The following RNF144B variants were observed in gnomAD, a reference collection of about 807,000 sequenced individuals.
RNF144B encodes ring finger protein 144B.
Under a neutral mutation model 40.2 loss-of-function variants are expected in RNF144B, and 25 were observed. That is an observed-to-expected ratio of 0.62 (90% CI 0.45 to 0.87). The LOEUF is 0.87. Among genes scored for constraint, RNF144B ranks in the 40% least tolerant of loss-of-function variants. RNF144B has a pLI of 0.00. For missense variants in RNF144B, 365 were observed against 373.7 expected, an observed-to-expected ratio of 0.98 and a Z score of 0.19; for synonymous variants, 145 against 136.3, an observed-to-expected ratio of 1.06 and a Z score of -0.44.
rs1794743440 is a variant in RNF144B at position 18,398,982 on chromosome 6, A to G, written c.-36-517A>G. On this transcript the variant is annotated intron_variant, in intron 1 of 7. Transcript: ENST00000259939. This position sits in a 1 kb window ranked among gnomAD's most constrained non-coding sequence, Gnocchi z 5.0. The stretch of plus-strand genomic sequence containing the variant: ...TGACCTTCATTAAGGTATAATTGAC[A>G]AATTACATTTGCAGTATACAATGTG... 6.6e-6 allele frequency among the ~76,000 whole-genome samples: 1 copy of G among 152,224 alleles called. No homozygotes were observed. The highest frequency in any genetic ancestry group is 2.4e-5 in the African/African-American group (1 of 41,448).
intron 1 of RNF144B, among the ~76,000 whole-genome samples, chr6:18,397,189 A>C (rs1247374764): frequency 1.3e-5 from 2 of 152,312 alleles, no homozygotes; most frequent in East Asian, 3.9e-4. Context: ...TTGACAAGCA[A>C]ATATCTCATT....
Position 18,406,275 on chromosome 6 carries a change from T to G in RNF144B, c.165+6576T>G, listed in dbSNP as rs1261955505. Among the ~76,000 whole-genome samples the G allele has an allele frequency of 6.6e-6, 1 of 152,028 alleles. No individual in the cohort carries two copies. On this transcript the variant is annotated intron_variant, in intron 2 of 7. Coordinates refer to ENST00000259939, the MANE Select transcript of RNF144B (RefSeq NM_182757.4). The surrounding 1 kb of genome is among the most constrained non-coding windows in gnomAD (Gnocchi z 4.2). ...GAAGAGGGACTTCTACTTTATTAGATGATCAGGGAAGTCTCAGTGATAAGG... is the reference window on the plus strand; with the variant it reads ...GAAGAGGGACTTCTACTTTATTAGAGGATCAGGGAAGTCTCAGTGATAAGG...
chr6:18,427,021 G>A (rs71556174), intron 2 of RNF144B, among the ~76,000 whole-genome samples: 18,249 of 152,018 alleles, frequency 0.12, 1,310 homozygotes, highest in Admixed American at 0.19. Context: ...TCTTGTCTTT[G>A]GGAAGCAAGT....
intron 3 of RNF144B, among the ~76,000 whole-genome samples, chr6:18,430,690 A>G (rs141052483): frequency 2.0e-4 from 30 of 150,292 alleles, no homozygotes; most frequent in African/African-American, 7.1e-4. Context: ...GGGTCTCTCT[A>G]TGTTTTCCAG....
chr6:18,414,107 A>G lies in RNF144B; in HGVS notation c.166-13474A>G, dbSNP rs1236804049. ...GAGGAATAGTCGTGGTCTTGATGCA[A>G]TGTAACTTATAATTAGAAAGATGCT... is the stretch of plus-strand genomic sequence containing the variant. On this transcript the variant is annotated intron_variant, in intron 2 of 7. Coordinates refer to ENST00000259939, the MANE Select transcript of RNF144B (RefSeq NM_182757.4). The surrounding 1 kb of genome is among the most constrained non-coding windows in gnomAD (Gnocchi z 4.9). Among the ~76,000 whole-genome samples, 1 of 152,196 alleles carries G rather than the reference A, an allele frequency of 6.6e-6. No individual in the cohort carries two copies. Among genetic ancestry groups the G allele is most frequent in the Non-Finnish European group, 1.5e-5 (1 of 68,036 alleles).
rs937358096 is a variant in RNF144B, at chr6:18,400,166, G to A, written c.165+467G>A. 2.0e-5 allele frequency among the ~76,000 whole-genome samples: 3 copies of A among 152,022 alleles called. No homozygotes were observed. Among genetic ancestry groups the A allele is most frequent in the Admixed American group, 1.3e-4 (2 of 15,258 alleles). On this transcript the variant is annotated intron_variant, in intron 2 of 7. Transcript: ENST00000259939. The surrounding 1 kb of genome is among the most constrained non-coding windows in gnomAD (Gnocchi z 5.6). ...CGGGCGCCTGTAGTCCCAGCTACTC[G>A]GGAGGCGGAGGCAGGAGAATGGCGT... is the stretch of plus-strand genomic sequence containing the variant.
At position 18,448,986 on chromosome 6, in the gene RNF144B, G is replaced by A. The variant is rs1759148126; in HGVS notation, c.332-8169G>A. On this transcript the variant is annotated intron_variant, in intron 4 of 7. Transcript: ENST00000259939. The surrounding 1 kb of genome is among the most constrained non-coding windows in gnomAD (Gnocchi z 4.0). ...CTTCATGTCAGGCACTGTGTTAAGTGTCTCGTTTACAGTGTCTATTCAATC... is the reference window on the plus strand; with the variant it reads ...CTTCATGTCAGGCACTGTGTTAAGTATCTCGTTTACAGTGTCTATTCAATC... 6.6e-6 allele frequency among the ~76,000 whole-genome samples: 1 copy of A among 152,162 alleles called. No homozygotes were observed. The highest frequency in any genetic ancestry group is 2.1e-4 in the South Asian group (1 of 4,830).
At chr6:18,439,606 A>G in intron 3 of RNF144B, 78 bp from the exon 4 acceptor site, 1 of 992,724 alleles carries the variant, frequency 1.0e-6, no homozygotes, top group Non-Finnish European at 1.6e-6. Flanking sequence ...AAGCAAAGCC[A>G]GAAAGAGAAA....
chr6:18,423,107 C>G (rs1003740930), intron 2 of RNF144B, among the ~76,000 whole-genome samples: 2 of 152,196 alleles, frequency 1.3e-5, no homozygotes, highest in Non-Finnish European at 2.9e-5. Flanking sequence ...TCAGAAACAT[C>G]TATTCCATTC....
rs9396858 is a variant in RNF144B, at chr6:18,387,461, A to G, written c.-206A>G. 0.29 allele frequency: 357,899 copies of G among 1,244,982 alleles called. 53,397 individuals are homozygous for G. Among genetic ancestry groups the G allele is most frequent in the East Asian group, 0.4 (5,907 of 14,754 alleles). 77.1% of individuals were successfully genotyped at this position (1,244,982 alleles called of 1,614,324 possible). A position where few individuals can be genotyped will look rare whatever the true frequency, so the allele number is the denominator to read the frequency against. On this transcript the variant is annotated 5_prime_UTR_variant, in exon 1 of 8. Transcript: ENST00000259939. ...TCCCGACCCGTAGGTCTGGGAGCGC[A>G]AGTCCTGTTGCAGTCTTGCAAAGTG... is the stretch of plus-strand genomic sequence containing the variant.
intron 2 of RNF144B, among the ~76,000 whole-genome samples, chr6:18,415,616 A>G (rs1460472857): frequency 6.6e-6 from 1 of 152,166 alleles, no homozygotes; most frequent in Non-Finnish European, 1.5e-5. Context: ...ATCATAGCGG[A>G]TTCTAACATT....
chr6:18,415,801 A>G (rs748673385), intron 2 of RNF144B, among the ~76,000 whole-genome samples: 1 of 151,466 alleles, frequency 6.6e-6, no homozygotes, highest in Non-Finnish European at 1.5e-5. Flanking sequence ...GCCGTACCTC[A>G]TGGTTGAAGG....
chr6:18,440,338 A>C (rs1758931556), intron 4 of RNF144B, among the ~76,000 whole-genome samples: 1 of 152,098 alleles, frequency 6.6e-6, no homozygotes, highest in African/African-American at 2.4e-5. Flanking sequence ...GGTCTTTTTT[A>C]GGAGACCTTT....
rs1188568032 is a variant in RNF144B, at chr6:18,405,021, C to T, written c.165+5322C>T. On this transcript the variant is annotated intron_variant, in intron 2 of 7. Transcript: ENST00000259939. The surrounding 1 kb of genome is among the most constrained non-coding windows in gnomAD (Gnocchi z 4.5). Reference sequence around the variant, plus strand: ...CCTTTCCCAAAGCTTTCAAATTCTCCAGCTCCAGATTCCCACGTCTTCTAC... The same window carrying T: ...CCTTTCCCAAAGCTTTCAAATTCTCTAGCTCCAGATTCCCACGTCTTCTAC... 6.6e-6 allele frequency among the ~76,000 whole-genome samples: 1 copy of T among 152,088 alleles called. No homozygotes were observed. The highest frequency in any genetic ancestry group is 2.4e-5 in the African/African-American group (1 of 41,404).
rs550964113 is a variant in RNF144B, at chr6:18,393,500, T to G, written c.-37+5870T>G. Among the ~76,000 whole-genome samples, 236 of 152,350 alleles carry G rather than the reference T, an allele frequency of 1.5e-3. 1 individual carries two copies. The highest frequency in any genetic ancestry group is 3.4e-3 in the Middle Eastern group (1 of 294). On this transcript the variant is annotated intron_variant, in intron 1 of 7. Transcript: ENST00000259939. Reference sequence around the variant, plus strand: ...TGCTCAGCACTTTACTAGACTCAATTAGTACCATTGGGTTCACTAATAGTT... The same window carrying G: ...TGCTCAGCACTTTACTAGACTCAATGAGTACCATTGGGTTCACTAATAGTT...
At position 18,444,641 on chromosome 6, in the gene RNF144B, A is replaced by G. The variant is rs527596106; in HGVS notation, c.331+4897A>G. Reference sequence around the variant, plus strand: ...CATATAGCAGTTTAAGAACTCTTACAGAAGGGTTGTGTCATATTGTTCTCC... The same window carrying G: ...CATATAGCAGTTTAAGAACTCTTACGGAAGGGTTGTGTCATATTGTTCTCC... On this transcript the variant is annotated intron_variant, in intron 4 of 7. Coordinates refer to ENST00000259939, the MANE Select transcript of RNF144B (RefSeq NM_182757.4). The surrounding 1 kb of genome is among the most constrained non-coding windows in gnomAD (Gnocchi z 4.3). Among the ~76,000 whole-genome samples the G allele has an allele frequency of 3.1e-4, 47 of 152,256 alleles. No homozygotes were observed. The highest frequency in any genetic ancestry group is 1.1e-3 in the African/African-American group (45 of 41,552).
In RNF144B at chr6:18,420,248, C is replaced by A. The variant is rs545584952; in HGVS notation, c.166-7333C>A. 6.7e-4 allele frequency among the ~76,000 whole-genome samples: 102 copies of A among 152,052 alleles called. 1 individual carries two copies. Among genetic ancestry groups the A allele is most frequent in the African/African-American group, 2.4e-3 (100 of 41,448 alleles). ...CTAAAGTCTAAAATCCTCCAATAAG[C>A]ATTTCCTTTGAGCACCATATTGGTG... On this transcript the variant is annotated intron_variant, in intron 2 of 7. Transcript: ENST00000259939.
rs573953192 is a variant in RNF144B, at chr6:18,392,850, C to A, written c.-37+5220C>A. On this transcript the variant is annotated intron_variant, in intron 1 of 7. Transcript: ENST00000259939. ...AATAATGACAACTTATGTGTAATAT[C>A]ATGTATGTACTCATTGAGTTTGAGC... Among the ~76,000 whole-genome samples, 6 of 152,092 alleles carry A rather than the reference C, an allele frequency of 3.9e-5. No individual in the cohort carries two copies. The East Asian group carries it at 9.7e-4, about 24-fold the overall frequency.
Position 18,443,757 on chromosome 6 carries a change from C to T in RNF144B, c.331+4013C>T, listed in dbSNP as rs548491176. On this transcript the variant is annotated intron_variant, in intron 4 of 7. Coordinates refer to ENST00000259939, the MANE Select transcript of RNF144B (RefSeq NM_182757.4). This position sits in a 1 kb window ranked among gnomAD's most constrained non-coding sequence, Gnocchi z 4.7. ...TATCTAAATTATGTAAAATAGACTT[C>T]TTATCTACCTCAAACTCGAGACCTT... Among the ~76,000 whole-genome samples, 1 of 152,246 alleles carries T rather than the reference C, an allele frequency of 6.6e-6. No homozygotes were observed. The highest frequency in any genetic ancestry group is 2.1e-4 in the South Asian group (1 of 4,826).
Sources: allele counts gnomAD v4.1 joint callset (sites outside exome capture counted in the v4.1 genomes callset), GRCh38; gene constraint gnomAD v4.1.1; non-coding constraint Gnocchi (gnomAD v3.1); transcripts MANE v1.5; gene names NCBI Gene and HGNC (gene_info 2026-07-23, HGNC 2026-07-21).